Variants in DDX60 observed in about 807,000 individuals in gnomAD.
DDX60 encodes DExD/H-box helicase 60, also known as probable ATP-dependent RNA helicase DDX60.
Under a neutral mutation model 212.8 loss-of-function variants are expected in DDX60, and 165 were observed. That is an observed-to-expected ratio of 0.78 (90% CI 0.68 to 0.88). The LOEUF (loss-of-function observed/expected upper bound fraction) is 0.88. DDX60 is among the 40% of genes least tolerant of loss of function. The probability of loss-of-function intolerance (pLI) is 0.00; values close to 1 mark genes in which losing one functional copy is unlikely to be tolerated. For synonymous variants in DDX60, 703 were observed against 685.3 expected, an observed-to-expected ratio of 1.03 and a Z score of -0.40; for missense variants, 1,905 against 2,003.9, an observed-to-expected ratio of 0.95 and a Z score of 0.94.
chr4:168,260,046 C>G (rs1050195543), intron 25 of DDX60, among the ~76,000 whole-genome samples: 8 of 151,910 alleles, frequency 5.3e-5, no homozygotes, highest in African/African-American at 1.9e-4. Context: ...GAAGGTAATT[C>G]ATAATAGCAC....
chr4:168,294,029 A>G (rs565955199), intron 6 of DDX60, 84 bp from the exon 7 acceptor site: 20 of 1,265,750 alleles, frequency 1.6e-5, no homozygotes, highest in Non-Finnish European at 2.2e-5. Flanking sequence ...GGGTACTACT[A>G]GGCTTAATAC....
chr4:168,310,908 T>C, intron 3 of DDX60, 90 bp downstream of exon 3: 2 of 723,896 alleles, frequency 2.8e-6, no homozygotes, highest in Non-Finnish European at 4.7e-6. Flanking sequence ...TGTTCAATGG[T>C]CAACTGTCTA....
At chr4:168,302,232 G>C in intron 6 of DDX60, 68 bp downstream of exon 6, 2 of 717,324 alleles carry the variant, frequency 2.8e-6, no homozygotes, top group Non-Finnish European at 4.3e-6. Context: ...AACTCTGTAT[G>C]ATTTTTGCAA....
intron 13 of DDX60, 115 bp from the exon 14 acceptor site, chr4:168,280,705 G>T: frequency 8.6e-7 from 1 of 1,166,564 alleles, no homozygotes. Context: ...ATCCCATTTT[G>T]AGTAGATGTG....
At position 168,251,060 on chromosome 4, in the gene DDX60, T is replaced by A. The variant is rs1734203562; in HGVS notation, c.3752A>T (p.Glu1251Val). 6.2e-7 allele frequency: 1 copy of A among 1,613,612 alleles called. No individual in the cohort carries two copies. Among genetic ancestry groups the A allele is most frequent in the African/African-American group, 1.3e-5 (1 of 74,912 alleles). The change falls in exon 28 of 38, where the codon GAA becomes GTA. Residue 1251 changes from glutamate to valine, a missense_variant. By Grantham distance (121) the Glu-to-Val change is moderately radical. Coordinates refer to ENST00000393743, the MANE Select transcript of DDX60 (RefSeq NM_017631.6). ...CCTTTCTGCCAAGGCTTTCAATTCT[T>A]CACCTTTTCTTTCAAATTTTACTCG... ...FGRVKFERKG[E>V]ELKALAERGI...
intron 9 of DDX60, 140 bp downstream of exon 9, chr4:168,288,034 A>C (rs541093899): frequency 3.9e-6 from 2 of 507,470 alleles, no homozygotes; most frequent in East Asian, 3.5e-5. Flanking sequence ...CAACTAAAAT[A>C]TTACATACAA....
Position 168,280,397 on chromosome 4 carries a change from A to T in DDX60, c.1916T>A (p.Val639Asp). The change falls in exon 14 of 38, where the codon GTT becomes GAT. Residue 639 changes from valine (V) to aspartate (D), a missense_variant. Transcript: ENST00000393743. ...GCAAGCAGTTAACCCCACCATTTCA[A>T]CCTGAAGTTTCACACAGCTACTTTT... ...SCKSSCVKLQ[V>D]EMVGLTACLK... The T allele has an allele frequency of 3.1e-6, 5 of 1,614,128 alleles. No homozygotes were observed. The highest frequency in any genetic ancestry group is 4.2e-6 in the Non-Finnish European group (5 of 1,180,024).
At chr4:168,273,228 C>A (rs747107299) in intron 18 of DDX60, 51 bp downstream of exon 18, 5 of 1,550,490 alleles carry the variant, frequency 3.2e-6, no homozygotes, top group Middle Eastern at 1.7e-4. Flanking sequence ...AAGAGACATA[C>A]AAGTACAGTT....
At position 168,216,857 on chromosome 4, in the gene DDX60, G is replaced by A; in HGVS notation, c.*76C>T. 1 of 842,224 alleles carries A rather than the reference G, an allele frequency of 1.2e-6. No homozygotes were observed. Among genetic ancestry groups the A allele is most frequent in the South Asian group, 1.7e-5 (1 of 59,606 alleles). The allele number at this position is 842,224 out of a possible 1,614,324, so 52.2% of individuals were successfully genotyped here. A position where few individuals can be genotyped will look rare whatever the true frequency, so the allele number is the denominator to read the frequency against. ...CTTTATCATAATGTATTTCTGGCAA[G>A]AAGCATAAGAATCAAAAACGTGACC... On this transcript the variant is annotated 3_prime_UTR_variant, in exon 38 of 38. Coordinates refer to ENST00000393743, the MANE Select transcript of DDX60 (RefSeq NM_017631.6).
chr4:168,286,455 T>TAG (rs770716613), intron 10 of DDX60, among the ~76,000 whole-genome samples: 2,387 of 140,132 alleles, frequency 0.017, 114 homozygotes, highest in East Asian at 0.14. Context: ...GATAGATAGA[T>TAG]ATTACATATC....
Position 168,246,594 on chromosome 4 carries a change from C to T in DDX60, c.3988G>A (p.Gly1330Ser). 2 of 1,613,932 alleles carry T rather than the reference C, an allele frequency of 1.2e-6. No homozygotes were observed. The highest frequency in any genetic ancestry group is 4.5e-5 in the East Asian group (2 of 44,876). ...TATACATCTCCCATCAGGTCTTGAC[C>T]TCTTCTTCCAGCACGGCCAGACATC... ...RQMSGRAGRR[G>S]QDLMGDVYFF... is the part of the protein sequence containing the mutation. Residue 1330 changes from glycine (G) to serine (S), a missense_variant, in exon 30 of 38, where the codon GGT (glycine) becomes AGT (serine). By Grantham distance (56) the Gly-to-Ser change is moderately conservative (BLOSUM62 0). Coordinates refer to ENST00000393743, the MANE Select transcript of DDX60 (RefSeq NM_017631.6).
rs1733663532 is a variant in DDX60, at chr4:168,237,312, T to C, written c.4385A>G (p.His1462Arg). 1.3e-6 allele frequency: 2 copies of C among 1,582,468 alleles called. No individual in the cohort carries two copies. The highest frequency in any genetic ancestry group is 1.7e-6 in the Non-Finnish European group (2 of 1,164,950). The change falls in exon 32 of 38, where the codon CAT (histidine) becomes CGT (arginine). Residue 1462 changes from histidine to arginine, a missense_variant. By Grantham distance (29) the His-to-Arg change is conservative (BLOSUM62 0). Coordinates refer to ENST00000393743, the MANE Select transcript of DDX60 (RefSeq NM_017631.6). ...TTTCCTGGTTGGCTGACAGAGATCA[T>C]GGAAGAGTCCATTTACAAGAAAACT... ...FVSFLVNGLF[H>R]DLCQPTRKGS...
upstream of DDX60, among the ~76,000 whole-genome samples, chr4:168,322,880 G>A (rs1737634229): frequency 6.6e-6 from 1 of 152,224 alleles, no homozygotes; most frequent in Non-Finnish European, 1.5e-5. Context: ...AATTACCAAA[G>A]GATGGGGGGA....
At chr4:168,287,624 A>G (rs1266171274) in intron 9 of DDX60, among the ~76,000 whole-genome samples, 1 of 152,174 alleles carries the variant, frequency 6.6e-6, no homozygotes, top group Non-Finnish European at 1.5e-5. Flanking sequence ...AACATGAAGG[A>G]ACCACATCAC....
At chr4:168,274,190 C>A in intron 16 of DDX60, 107 bp from the exon 17 acceptor site, 6 of 1,349,254 alleles carry the variant, frequency 4.4e-6, no homozygotes, top group Non-Finnish European at 6.1e-6. Context: ...CTCAAAGGAT[C>A]TGTAGGTACA....
rs563234446 is a variant in DDX60, at chr4:168,269,706, G to A, written c.2671-737C>T. Among the ~76,000 whole-genome samples the A allele has an allele frequency of 5.3e-5, 8 of 152,182 alleles. No homozygotes were observed. In the South Asian group the frequency reaches 1.7e-3, roughly 32 times the overall value. On this transcript the variant is annotated intron_variant, in intron 19 of 37. Transcript: ENST00000393743. Reference sequence around the variant, plus strand: ...GAAATAAAATATAAACTCCTTAATGGGATGTATAATGTCTGGCATCATTTG... The same window carrying A: ...GAAATAAAATATAAACTCCTTAATGAGATGTATAATGTCTGGCATCATTTG...
At chr4:168,271,797 T>C (rs956969913) in intron 19 of DDX60, among the ~76,000 whole-genome samples, 13 of 152,156 alleles carry the variant, frequency 8.5e-5, no homozygotes, top group African/African-American at 2.9e-4. Flanking sequence ...CCTGAAACAG[T>C]TGTCAATGAA....
intron 14 of DDX60, among the ~76,000 whole-genome samples, 183 bp downstream of exon 14, chr4:168,280,152 T>C (rs755895674): frequency 1.3e-5 from 2 of 152,200 alleles, no homozygotes; most frequent in Non-Finnish European, 2.9e-5. Context: ...CAGGCAACCA[T>C]TGTGGGTCTT....
intron 25 of DDX60, among the ~76,000 whole-genome samples, chr4:168,258,932 A>G (rs1734519085): frequency 6.6e-6 from 1 of 152,164 alleles, no homozygotes; most frequent in African/African-American, 2.4e-5. Context: ...CTATACTAAA[A>G]AACCTTGTTA....
Sources: gnomAD v4.1 joint callset for allele counts (sites outside exome capture counted in the v4.1 genomes callset) on GRCh38, gnomAD v4.1.1 for gene constraint, MANE v1.5 for transcripts, NCBI Gene and HGNC (gene_info 2026-07-23, HGNC 2026-07-21) for gene names.